The following EXOC6B variants were observed in gnomAD, a reference collection of about 807,000 sequenced individuals.
EXOC6B encodes the protein exocyst complex component 6B.
In EXOC6B, 54 loss-of-function variants were observed where a neutral mutation model predicts 113.5. That is an observed-to-expected ratio of 0.48 (90% CI 0.38 to 0.60). EXOC6B has a LOEUF of 0.60. Ranked by LOEUF, EXOC6B falls within the 20% of genes least tolerant of loss-of-function variation. EXOC6B has a pLI of 0.00. For missense variants in EXOC6B, 797 were observed against 977.5 expected, an observed-to-expected ratio of 0.82 and a Z score of 2.46; for synonymous variants, 357 against 339.0, an observed-to-expected ratio of 1.05 and a Z score of -0.58.
chr2:72,651,131 A>G (rs952711069), intron 6 of EXOC6B, among the ~76,000 whole-genome samples: 3 of 152,350 alleles, frequency 2.0e-5, no homozygotes, highest in African/African-American at 7.2e-5. Flanking sequence ...ACATAAAGTA[A>G]TATCTGTGCT....
chr2:72,573,765 T>C (rs1253775103), intron 7 of EXOC6B, among the ~76,000 whole-genome samples: 1 of 152,134 alleles, frequency 6.6e-6, no homozygotes, highest in Non-Finnish European at 1.5e-5. Context: ...TAAATAAAAT[T>C]ATTCACTTAA....
At chr2:72,615,839 A>G (rs1437762633) in intron 6 of EXOC6B, among the ~76,000 whole-genome samples, 1 of 152,092 alleles carries the variant, frequency 6.6e-6, no homozygotes, top group Non-Finnish European at 1.5e-5. Flanking sequence ...ATTATAGAAG[A>G]CATCATACAT....
intron 8 of EXOC6B, among the ~76,000 whole-genome samples, chr2:72,529,171 T>G (rs1397104411): frequency 4.6e-5 from 7 of 152,192 alleles, no homozygotes; most frequent in African/African-American, 1.7e-4. Context: ...AATATAAAGC[T>G]AGCTACGGGG....
At chr2:72,545,674 G>A (rs1347453889) in intron 8 of EXOC6B, among the ~76,000 whole-genome samples, 2 of 152,100 alleles carry the variant, frequency 1.3e-5, no homozygotes, top group Admixed American at 1.3e-4. Context: ...AAATTGCACA[G>A]CAAAGTGTTA....
At chr2:72,504,661 A>G (rs1330483601) in intron 11 of EXOC6B, among the ~76,000 whole-genome samples, 2 of 152,208 alleles carry the variant, frequency 1.3e-5, no homozygotes, top group Admixed American at 6.5e-5. Context: ...ATATAGTTAG[A>G]GAAAAGTTGA....
chr2:72,582,086 C>T (rs1705257071), intron 6 of EXOC6B, among the ~76,000 whole-genome samples: 1 of 151,962 alleles, frequency 6.6e-6, no homozygotes, highest in African/African-American at 2.4e-5. Flanking sequence ...AGTTCATAGG[C>T]CATAGAAGAA....
rs192685904 is a variant in EXOC6B, at chr2:72,211,972, T to A, written c.2197-27785A>T. ...AAAGACTCACTGCTCTAATGAGCCA[T>A]GAGCCTCTGACACAGATGGGAGTGT... On this transcript the variant is annotated intron_variant, in intron 20 of 21. Coordinates refer to ENST00000272427, the MANE Select transcript of EXOC6B (RefSeq NM_015189.3). Among the ~76,000 whole-genome samples the A allele has an allele frequency of 9.6e-4, 146 of 152,158 alleles. 5 individuals carry two copies. The highest frequency in any genetic ancestry group is 9.6e-3 in the Admixed American group (146 of 15,282).
intron 17 of EXOC6B, among the ~76,000 whole-genome samples, chr2:72,471,153 G>A (rs1305471088): frequency 6.6e-6 from 1 of 151,802 alleles, no homozygotes; most frequent in South Asian, 2.1e-4. Flanking sequence ...TTTAATGATC[G>A]CCATTCTAAC....
chr2:72,432,005 A>G (rs552991840), intron 18 of EXOC6B, among the ~76,000 whole-genome samples: 123 of 151,914 alleles, frequency 8.1e-4, no homozygotes, highest in African/African-American at 2.9e-3. Context: ...ATAGTATTAC[A>G]TGGTGTATAT....
chr2:72,652,207 G>C (rs1261257536), intron 6 of EXOC6B, among the ~76,000 whole-genome samples: 1 of 150,982 alleles, frequency 6.6e-6, no homozygotes, highest in Admixed American at 6.6e-5. Context: ...AAAAAAGCCT[G>C]AGTAATTATA....
intron 15 of EXOC6B, 88 bp from the exon 16 acceptor site, chr2:72,492,517 T>C (rs1699798749): frequency 2.9e-6 from 2 of 686,300 alleles, no homozygotes; most frequent in Non-Finnish European, 5.2e-6. Flanking sequence ...GTGGTAATAA[T>C]AATAAAATAA....
chr2:72,562,519 T>C (rs1331474675), intron 7 of EXOC6B, among the ~76,000 whole-genome samples: 1 of 152,186 alleles, frequency 6.6e-6, no homozygotes, highest in Non-Finnish European at 1.5e-5. Flanking sequence ...CCAAGGACAC[T>C]TTCCTAAGCT....
rs191612435 is a variant in EXOC6B at position 72,816,762 on chromosome 2, C to G, written c.113+9036G>C. Among the ~76,000 whole-genome samples the G allele has an allele frequency of 3.9e-5, 6 of 152,304 alleles. No homozygotes were observed. In the East Asian group the frequency reaches 1.2e-3, roughly 29 times the overall value. ...TTAATACAGGAATACTTAGCAAATG[C>G]TACACTCCCATTTAATTTCTCTCTA... On this transcript the variant is annotated intron_variant, in intron 1 of 21. Coordinates refer to ENST00000272427, the MANE Select transcript of EXOC6B (RefSeq NM_015189.3).
chr2:72,705,218 A>G (rs1317026541), intron 6 of EXOC6B, among the ~76,000 whole-genome samples: 1 of 152,206 alleles, frequency 6.6e-6, no homozygotes, highest in African/African-American at 2.4e-5. Context: ...ACAGAGCCAA[A>G]GACAAAAACC....
intron 20 of EXOC6B, among the ~76,000 whole-genome samples, chr2:72,205,656 A>T (rs1679794688): frequency 6.6e-6 from 1 of 152,210 alleles, no homozygotes; most frequent in Non-Finnish European, 1.5e-5. Context: ...TTGTTTCTAT[A>T]GTTGGCAAGG....
intron 18 of EXOC6B, among the ~76,000 whole-genome samples, chr2:72,459,545 T>G (rs970207290): frequency 2.0e-5 from 3 of 152,098 alleles, no homozygotes; most frequent in African/African-American, 7.2e-5. Flanking sequence ...GTCACAAGCA[T>G]TCTTATACAC....
Position 72,538,472 on chromosome 2 carries a change from T to G in EXOC6B, c.915+20981A>C, listed in dbSNP as rs561294428. 5.9e-5 allele frequency among the ~76,000 whole-genome samples: 9 copies of G among 152,352 alleles called. 1 individual carries two copies. The highest frequency in any genetic ancestry group is 2.2e-4 in the African/African-American group (9 of 41,592). ...TATCTAGCCTAATATATCAAAAATC[T>G]TATTTCAGTATGCAAATCAAAATTA... On this transcript the variant is annotated intron_variant, in intron 8 of 21. Coordinates refer to ENST00000272427, the MANE Select transcript of EXOC6B (RefSeq NM_015189.3).
At chr2:72,619,884 A>T (rs765454290) in intron 6 of EXOC6B, among the ~76,000 whole-genome samples, 1 of 152,168 alleles carries the variant, frequency 6.6e-6, no homozygotes, top group Non-Finnish European at 1.5e-5. Context: ...AGAGCCTGGG[A>T]GCTTCTGTGT....
In EXOC6B at chr2:72,307,161, G is replaced by GTTTTTTTTTTTTTTTTTTTTTTTTT. The variant is rs1553371308; in HGVS notation, c.2196+27785_2196+27786insAAAAAAAAAAAAAAAAAAAAAAAAA. ...TCCATGACTGCAATGGTATAGTCCA[G>GTTTTTTTTTTTTTTTTTTTTTTTTT]TTTTTTTTTTTTTGAGACGGAGTCT... On this transcript the variant is annotated intron_variant, in intron 20 of 21. Transcript: ENST00000272427. 7.9e-4 allele frequency among the ~76,000 whole-genome samples: 102 copies of GTTTTTTTTTTTTTTTTTTTTTTTTT among 128,466 alleles called. 7 individuals are homozygous for GTTTTTTTTTTTTTTTTTTTTTTTTT. The highest frequency in any genetic ancestry group is 3.6e-3 in the African/African-American group (94 of 26,182). The allele number at this position is 128,466 out of a possible 152,430, so 84.3% of individuals were successfully genotyped here. A position where few individuals can be genotyped will look rare whatever the true frequency, so the allele number is the denominator to read the frequency against.
Sources: allele counts gnomAD v4.1 joint callset (sites outside exome capture counted in the v4.1 genomes callset), GRCh38; gene constraint gnomAD v4.1.1; transcripts MANE v1.5; gene names NCBI Gene and HGNC (gene_info 2026-07-23, HGNC 2026-07-21).